Variants in BAZ2B observed in about 807,000 individuals in gnomAD.
BAZ2B encodes the protein bromodomain adjacent to zinc finger domain 2B, also known as bromodomain adjacent to zinc finger domain protein 2B.
In BAZ2B, 91 loss-of-function variants were observed where a neutral mutation model predicts 246.0. That is an observed-to-expected ratio of 0.37 (90% CI 0.31 to 0.44). The LOEUF (loss-of-function observed/expected upper bound fraction) is 0.44, where lower values mean the gene tolerates loss of function less well. Among genes scored for constraint, BAZ2B ranks in the 20% least tolerant of loss-of-function variants. The probability of loss-of-function intolerance (pLI) is 1.00; values close to 1 mark genes in which losing one functional copy is unlikely to be tolerated. For synonymous variants in BAZ2B, 855 were observed against 860.0 expected (o/e 0.99, Z 0.10); for missense variants, 2,332 against 2,533.7 (o/e 0.92, Z 1.71).
At chr2:159,412,712 C>A (rs2067012667) in intron 13 of BAZ2B, among the ~76,000 whole-genome samples, 167 bp from the exon 14 acceptor site, 1 of 152,150 alleles carries the variant, frequency 6.6e-6, no homozygotes, top group African/African-American at 2.4e-5. Context: ...TATAATTATT[C>A]ATGGCCTTTG....
At chr2:159,682,011 G>A in the BAZ2B span, among the ~76,000 whole-genome samples, 2 of 152,034 alleles carry the variant, frequency 1.3e-5, no homozygotes, top group African/African-American at 2.4e-5. Flanking sequence ...AGTATCTCAG[G>A]ATTAGTATAA....
rs2062511536 is a variant in BAZ2B at position 159,319,993 on chromosome 2, A to G, written c.*272T>C. ...GATATATTTTAATTGCTATTGCACT[A>G]TAACACCCTTTCCTTTGAAAATTCT... On this transcript the variant is annotated 3_prime_UTR_variant, in exon 37 of 37. Coordinates refer to ENST00000392783, the MANE Select transcript of BAZ2B (RefSeq NM_013450.4). The surrounding 1 kb of genome is among the most constrained non-coding windows in gnomAD (Gnocchi z 4.0). 3.9e-6 allele frequency: 1 copy of G among 259,314 alleles called. No individual in the cohort carries two copies. Among genetic ancestry groups the G allele is most frequent in the Non-Finnish European group, 7.2e-6 (1 of 139,194 alleles). 16.1% of individuals were successfully genotyped at this position (259,314 alleles called of 1,614,324 possible).
chr2:159,438,273 A>G, intron 8 of BAZ2B, 30 bp downstream of exon 8: 1 of 1,576,236 alleles, frequency 6.3e-7, no homozygotes, highest in Non-Finnish European at 8.6e-7. Context: ...TCTAATAGTA[A>G]AATTCTTGTA....
intron 13 of BAZ2B, among the ~76,000 whole-genome samples, chr2:159,423,333 A>AC (rs2069131535): frequency 6.6e-6 from 1 of 151,862 alleles, no homozygotes; most frequent in African/African-American, 2.4e-5. Flanking sequence ...AAACAAACAA[A>AC]AGAATGGCTA....
the BAZ2B span, among the ~76,000 whole-genome samples, chr2:159,681,645 T>G: frequency 6.6e-6 from 1 of 152,142 alleles, no homozygotes; most frequent in Non-Finnish European, 1.5e-5. Flanking sequence ...TTAAGATTAT[T>G]TCAGGCTGGG....
chr2:159,391,822 C>T (rs940848502), intron 20 of BAZ2B, among the ~76,000 whole-genome samples: 3 of 152,096 alleles, frequency 2.0e-5, no homozygotes, highest in Middle Eastern at 6.3e-3. Context: ...TTAGAGAAAT[C>T]GGTGTGACCT....
At chr2:159,360,752 T>C (rs571730512) in intron 27 of BAZ2B, among the ~76,000 whole-genome samples, 1 of 152,090 alleles carries the variant, frequency 6.6e-6, no homozygotes, top group East Asian at 1.9e-4. Context: ...CCAAAACAGA[T>C]ATATAGAACA....
rs750092971 is a variant in BAZ2B at position 159,325,880 on chromosome 2, G to A, written c.5982C>T (p.Val1994=). Residue 1994 remains valine (V), a synonymous_variant, in exon 35 of 37, where the codon GTC becomes GTT. Coordinates refer to ENST00000392783, the MANE Select transcript of BAZ2B (RefSeq NM_013450.4). ...TTGACTCATTAGTCTTTTTTCCTTTGACATGAAGTTTTTTGATTTTTAGAG... is the reference window on the plus strand; with the variant it reads ...TTGACTCATTAGTCTTTTTTCCTTTAACATGAAGTTTTTTGATTTTTAGAG... The part of the protein sequence containing the change: ...GQTLKIKKLH[V]KGKKTNESKK... The A allele has an allele frequency of 4.1e-5, 65 of 1,587,038 alleles. No homozygotes were observed. Among genetic ancestry groups the A allele is most frequent in the Non-Finnish European group, 5.3e-5 (62 of 1,173,306 alleles).
chr2:159,371,008 ATGT>A (rs1165166852), intron 27 of BAZ2B, among the ~76,000 whole-genome samples: 3 of 151,788 alleles, frequency 2.0e-5, no homozygotes, highest in African/African-American at 7.2e-5. Context: ...CGGTTTCTCC[ATGT>A]TGGTCAGGCT....
chr2:159,607,783 T>C (rs1693837512), intron 1 of BAZ2B, among the ~76,000 whole-genome samples: 1 of 152,214 alleles, frequency 6.6e-6, no homozygotes, highest in Non-Finnish European at 1.5e-5. Context: ...CTTGATCTAG[T>C]TCAATGCTAC....
chr2:159,349,972 T>A lies in BAZ2B; in HGVS notation c.4599A>T (p.Ser1533=). 4 of 1,614,220 alleles carry A rather than the reference T, an allele frequency of 2.5e-6. No individual in the cohort carries two copies. Among genetic ancestry groups the A allele is most frequent in the Non-Finnish European group, 3.4e-6 (4 of 1,180,018 alleles). ...GACTGTAGAACTTCCCTGGACCACTTGAACCAGTATTAAACAGATTATTAG... is the reference window on the plus strand; with the variant it reads ...GACTGTAGAACTTCCCTGGACCACTAGAACCAGTATTAAACAGATTATTAG... ...ADSNNLFNTG[S]SGPGKFYSPL... is the part of the protein sequence containing the mutation. The change falls in exon 28 of 37, where the codon TCA becomes TCT. Residue 1533 remains serine, a synonymous_variant. Transcript: ENST00000392783.
At chr2:159,589,915 G>A (rs772317964) in intron 1 of BAZ2B, among the ~76,000 whole-genome samples, 1 of 152,148 alleles carries the variant, frequency 6.6e-6, no homozygotes, top group African/African-American at 2.4e-5. Flanking sequence ...GGCCGGGCCC[G>A]ATGGTTCACG....
intron 6 of BAZ2B, among the ~76,000 whole-genome samples, chr2:159,446,209 A>G (rs1167088212): frequency 6.6e-6 from 1 of 152,198 alleles, no homozygotes; most frequent in Non-Finnish European, 1.5e-5. Flanking sequence ...AAGGACTAAC[A>G]CTGCAAGAAG....
chr2:159,461,892 C>A (rs12471541), intron 3 of BAZ2B: 74,192 of 152,574 alleles, frequency 0.49, 18,813 homozygotes, highest in Middle Eastern at 0.61. Context: ...TACAGTTCTG[C>A]GATGCAATAA....
intron 2 of BAZ2B, among the ~76,000 whole-genome samples, chr2:159,519,402 TGTATTTTTTA>T (rs1466175373): frequency 6.9e-6 from 1 of 145,186 alleles, no homozygotes; most frequent in African/African-American, 2.5e-5. Context: ...GCTAATTTTT[TGTATTTTTTA>T]GTAGAGACGG....
At chr2:159,501,715 C>T (rs2081863946) in intron 2 of BAZ2B, among the ~76,000 whole-genome samples, 1 of 152,110 alleles carries the variant, frequency 6.6e-6, no homozygotes, top group Non-Finnish European at 1.5e-5. Context: ...AAATATTCTA[C>T]TTCAAATGTT....
intron 2 of BAZ2B, among the ~76,000 whole-genome samples, chr2:159,522,292 T>C (rs547523752): frequency 1.1e-4 from 17 of 152,282 alleles, no homozygotes; most frequent in African/African-American, 4.1e-4. Flanking sequence ...GAGTATAGGA[T>C]ATTTAACTAA....
the BAZ2B span, among the ~76,000 whole-genome samples, chr2:159,681,486 C>T: frequency 6.7e-6 from 1 of 148,616 alleles, no homozygotes; most frequent in African/African-American, 2.5e-5. Context: ...ACATCTTAGA[C>T]AAGAAAAATA....
At chr2:159,641,591 TTTG>T in the BAZ2B span, among the ~76,000 whole-genome samples, 2 of 152,214 alleles carry the variant, frequency 1.3e-5, no homozygotes, top group Admixed American at 1.3e-4. Context: ...AATTTTTGCT[TTTG>T]TTGCAATTGC....
Sources: allele counts gnomAD v4.1 joint callset (sites outside exome capture counted in the v4.1 genomes callset), GRCh38; gene constraint gnomAD v4.1.1; non-coding constraint Gnocchi (gnomAD v3.1); transcripts MANE v1.5; gene names NCBI Gene and HGNC (gene_info 2026-07-23, HGNC 2026-07-21).